The following CCND2 variants were observed in gnomAD, a reference collection of about 807,000 sequenced individuals.
The protein encoded by CCND2 is cyclin D2.
CCND2 carries 6 observed loss-of-function variants against 30.2 expected under a neutral mutation model. That is an observed-to-expected ratio of 0.20 (90% CI 0.11 to 0.39). The LOEUF (loss-of-function observed/expected upper bound fraction) is 0.39, where lower values mean the gene tolerates loss of function less well. CCND2 is among the 10% of genes least tolerant of loss of function. The probability of loss-of-function intolerance (pLI) is 1.00; values close to 1 mark genes in which losing one functional copy is unlikely to be tolerated. For missense variants in CCND2, 235 were observed against 373.4 expected (o/e 0.63, Z 3.06); for synonymous variants, 150 against 153.1 (o/e 0.98, Z 0.15).
rs576031017 is a variant in CCND2 at position 4,286,817 on chromosome 12, G to C, written c.572-2025G>C. ...GCTAGCAGTGGGACAGCAGAGATGG[G>C]CATGTGTGAGGTGTGCTTCCCGGTC... On this transcript the variant is annotated intron_variant, in intron 3 of 4. Transcript: ENST00000261254. Among the ~76,000 whole-genome samples the C allele has an allele frequency of 2.1e-3, 321 of 152,366 alleles. 1 individual carries two copies. Among genetic ancestry groups the C allele is most frequent in the African/African-American group, 7.0e-3 (292 of 41,586 alleles).
chr12:4,286,979 G>T (rs900236802), intron 3 of CCND2, among the ~76,000 whole-genome samples: 1 of 152,246 alleles, frequency 6.6e-6, no homozygotes, highest in East Asian at 1.9e-4. Flanking sequence ...TCACAGGGGG[G>T]AGCTAACGAG....
intron 4 of CCND2, among the ~76,000 whole-genome samples, chr12:4,291,947 G>A (rs2120570177): frequency 6.6e-6 from 1 of 152,280 alleles, no homozygotes; most frequent in Non-Finnish European, 1.5e-5. Context: ...CCAGGAGTCT[G>A]GGGAGAGGAG....
intron 2 of CCND2, among the ~76,000 whole-genome samples, chr12:4,277,292 A>T (rs1340326000): frequency 2.0e-5 from 3 of 152,134 alleles, no homozygotes; most frequent in African/African-American, 4.8e-5. Flanking sequence ...ACGGTGCAAG[A>T]CCAGTGGTTC....
In CCND2 at chr12:4,285,189, T is replaced by C. The variant is rs2120550458; in HGVS notation, c.572-3653T>C. 1 of 626,390 alleles carries C rather than the reference T, an allele frequency of 1.6e-6. No individual in the cohort carries two copies. The highest frequency in any genetic ancestry group is 2.0e-5 in the African/African-American group (1 of 50,448). 38.8% of individuals were successfully genotyped at this position (626,390 alleles called of 1,614,324 possible). On this transcript the variant is annotated intron_variant, in intron 3 of 4. Transcript: ENST00000261254. This position sits in a 1 kb window ranked among gnomAD's most constrained non-coding sequence, Gnocchi z 4.1. ...TGTACGTTTTGGGGGGAGTCCTCCA[T>C]GCTGCCTGGAACAGGGAGGAGCACA...
At chr12:4,277,896 C>T (rs1165851137) in intron 2 of CCND2, among the ~76,000 whole-genome samples, 1 of 152,242 alleles carries the variant, frequency 6.6e-6, no homozygotes, top group Non-Finnish European at 1.5e-5. Context: ...TTATTTTGGA[C>T]CGTTTCCCTT....
At chr12:4,292,475 G>A (rs1269734994) in intron 4 of CCND2, among the ~76,000 whole-genome samples, 1 of 152,074 alleles carries the variant, frequency 6.6e-6, no homozygotes, top group East Asian at 1.9e-4. Context: ...TGTGGAAAGA[G>A]GGTCCCCCTG....
rs371529512 is a variant in CCND2, at chr12:4,278,939, G to A, written c.571+20G>A. ...CCACCGGTAAGATGAGGCTTGAGCC[G>A]GGGAGGGAGATGGGGGAGCTCTTTT... On this transcript the variant is annotated intron_variant, in intron 3 of 4. Coordinates refer to ENST00000261254, the MANE Select transcript of CCND2 (RefSeq NM_001759.4). 29 of 1,593,934 alleles carry A rather than the reference G, an allele frequency of 1.8e-5. No homozygotes were observed. Among genetic ancestry groups the A allele is most frequent in the African/African-American group, 4.0e-5 (3 of 74,760 alleles).
In CCND2 at chr12:4,302,258, G is replaced by A; in HGVS notation, c.*2249G>A. The A allele has an allele frequency of 4.3e-6, 1 of 232,888 alleles. No individual in the cohort carries two copies. The allele number at this position is 232,888 out of a possible 1,614,324, so 14.4% of individuals were successfully genotyped here. A position where few individuals can be genotyped will look rare whatever the true frequency, so the allele number is the denominator to read the frequency against. ...ATGGAAAAAATACATTGAACCAAGG[G>A]ATCCTCCCTCCCCTTCAAGGCAGAC... On this transcript the variant is annotated 3_prime_UTR_variant, in exon 5 of 5. Transcript: ENST00000261254.
intron 4 of CCND2, among the ~76,000 whole-genome samples, chr12:4,292,816 G>A (rs1352887423): frequency 2.0e-5 from 3 of 152,216 alleles, no homozygotes; most frequent in Admixed American, 2.0e-4. Flanking sequence ...AGGGGAGGGT[G>A]CCACTGGCCT....
chr12:4,298,127 C>T (rs1212638911), intron 4 of CCND2, among the ~76,000 whole-genome samples: 2 of 152,146 alleles, frequency 1.3e-5, no homozygotes, highest in Non-Finnish European at 2.9e-5. Flanking sequence ...TCTCAGTTGC[C>T]CTTTACTCTG....
In CCND2 at chr12:4,273,929, C is replaced by A; in HGVS notation, c.-112C>A. 1 of 1,064,360 alleles carries A rather than the reference C, an allele frequency of 9.4e-7. No homozygotes were observed. The highest frequency in any genetic ancestry group is 1.3e-6 in the Non-Finnish European group (1 of 751,734). The allele number at this position is 1,064,360 out of a possible 1,614,324, so 65.9% of individuals were successfully genotyped here. On this transcript the variant is annotated 5_prime_UTR_variant, in exon 1 of 5. Coordinates refer to ENST00000261254, the MANE Select transcript of CCND2 (RefSeq NM_001759.4). The surrounding 1 kb of genome is among the most constrained non-coding windows in gnomAD (Gnocchi z 5.9). The stretch of plus-strand genomic sequence containing the variant: ...CTCCCCCGAAAACCCCCTATTTAGC[C>A]AAAGGAAGGAGGTCAGGGGAACGCT...
chr12:4,305,170 G>T lies in CCND2; in HGVS notation c.*5161G>T. 1 of 233,370 alleles carries T rather than the reference G, an allele frequency of 4.3e-6. No individual in the cohort carries two copies. 14.5% of individuals were successfully genotyped at this position (233,370 alleles called of 1,614,324 possible). A position where few individuals can be genotyped will look rare whatever the true frequency, so the allele number is the denominator to read the frequency against. On this transcript the variant is annotated 3_prime_UTR_variant, in exon 5 of 5. Transcript: ENST00000261254. This position sits in a 1 kb window ranked among gnomAD's most constrained non-coding sequence, Gnocchi z 6.4. ...GGTTTTTAGGAAGTATGGCAAAAAT[G>T]TTGTATTGGCTATGATGGTGACATG...
At chr12:4,283,539 T>C (rs1243446329) in intron 3 of CCND2, among the ~76,000 whole-genome samples, 1 of 152,214 alleles carries the variant, frequency 6.6e-6, no homozygotes, top group Admixed American at 6.5e-5. Context: ...TCCCAAGACT[T>C]CATTGATTCA....
chr12:4,290,386 T>C (rs1864083378), intron 4 of CCND2, among the ~76,000 whole-genome samples: 1 of 152,248 alleles, frequency 6.6e-6, no homozygotes, highest in African/African-American at 2.4e-5. Flanking sequence ...CAGTGCAGCA[T>C]GAAGAATGCT....
rs1565434906 is a variant in CCND2 at position 4,287,467 on chromosome 12, C to T, written c.572-1375C>T. Among the ~76,000 whole-genome samples the T allele has an allele frequency of 6.6e-6, 1 of 152,054 alleles. No homozygotes were observed. Among genetic ancestry groups the T allele is most frequent in the Non-Finnish European group, 1.5e-5 (1 of 68,004 alleles). On this transcript the variant is annotated intron_variant, in intron 3 of 4. Transcript: ENST00000261254. The surrounding 1 kb of genome is among the most constrained non-coding windows in gnomAD (Gnocchi z 4.0). The stretch of plus-strand genomic sequence containing the variant: ...CCACGGTTCCCTGTATGCTGTGTCT[C>T]CTGCCCCCACGTGCCCCTTCCATGT...
intron 3 of CCND2, among the ~76,000 whole-genome samples, chr12:4,279,917 C>T (rs1477399171): frequency 6.6e-6 from 1 of 151,380 alleles, no homozygotes; most frequent in Non-Finnish European, 1.5e-5. Context: ...CACGTGGTAA[C>T]TTTTTTCAGG....
rs1240423460 is a variant in CCND2, at chr12:4,273,977, A to G, written c.-64A>G. The G allele has an allele frequency of 6.5e-7, 1 of 1,526,916 alleles. No homozygotes were observed. Among genetic ancestry groups the G allele is most frequent in the Non-Finnish European group, 8.8e-7 (1 of 1,130,266 alleles). The allele number at this position is 1,526,916 out of a possible 1,614,324, so 94.6% of individuals were successfully genotyped here. A position where few individuals can be genotyped will look rare whatever the true frequency, so the allele number is the denominator to read the frequency against. The stretch of plus-strand genomic sequence containing the variant: ...GCTCTCCCCTCCCCTTCCAAAAAAC[A>G]AAAACAGAAAAACCTTTTTCCAGGC... On this transcript the variant is annotated 5_prime_UTR_variant, in exon 1 of 5. Transcript: ENST00000261254. This position sits in a 1 kb window ranked among gnomAD's most constrained non-coding sequence, Gnocchi z 5.9.
intron 4 of CCND2, among the ~76,000 whole-genome samples, chr12:4,298,684 A>T (rs1239233510): frequency 6.6e-6 from 1 of 152,260 alleles, no homozygotes. Context: ...GGGAGGTTCA[A>T]TTTAACATAT....
At chr12:4,284,703 C>T (rs1863997711) in intron 3 of CCND2, among the ~76,000 whole-genome samples, 1 of 151,862 alleles carries the variant, frequency 6.6e-6, no homozygotes, top group African/African-American at 2.4e-5. Context: ...TGCTCCTCTT[C>T]ACTCAAGAGC....
Sources: gnomAD v4.1 joint callset for allele counts (sites outside exome capture counted in the v4.1 genomes callset) on GRCh38, gnomAD v4.1.1 for gene constraint, Gnocchi (gnomAD v3.1) non-coding constraint, MANE v1.5 for transcripts, NCBI Gene and HGNC (gene_info 2026-07-23, HGNC 2026-07-21) for gene names.